Variants in GSG1L observed in about 807,000 individuals in gnomAD.
GSG1L encodes the protein GSG1 like, also known as germ cell-specific gene 1-like protein.
A neutral mutation model predicts 42.1 loss-of-function variants in GSG1L; 24 were observed. The ratio of observed to expected loss-of-function variants is 0.57; its 90% CI spans 0.41 to 0.80. The LOEUF (loss-of-function observed/expected upper bound fraction) is 0.80. Among genes scored for constraint, GSG1L ranks in the 30% least tolerant of loss-of-function variants. The probability of loss-of-function intolerance (pLI) is 0.00; values close to 1 mark genes in which losing one functional copy is unlikely to be tolerated. For missense variants in GSG1L, 445 were observed against 472.2 expected, an observed-to-expected ratio of 0.94 and a Z score of 0.53; for synonymous variants, 215 against 203.5, an observed-to-expected ratio of 1.06 and a Z score of -0.48.
At chr16:27,910,828 G>A (rs1404438897) in intron 2 of GSG1L, among the ~76,000 whole-genome samples, 1 of 152,120 alleles carries the variant, frequency 6.6e-6, no homozygotes, top group Non-Finnish European at 1.5e-5. Flanking sequence ...AGCCTGGGCA[G>A]CATAGTGAAA....
At chr16:27,955,567 T>C (rs2084993275) in intron 2 of GSG1L, among the ~76,000 whole-genome samples, 2 of 152,194 alleles carry the variant, frequency 1.3e-5, no homozygotes, top group South Asian at 4.1e-4. Flanking sequence ...CCAAATTTTG[T>C]GGGAAAATTA....
intron 1 of GSG1L, among the ~76,000 whole-genome samples, chr16:28,001,653 T>C (rs1055216072): frequency 6.6e-6 from 1 of 152,188 alleles, no homozygotes; most frequent in African/African-American, 2.4e-5. Flanking sequence ...TCTTGGGGGA[T>C]GTGAATCATA....
intron 1 of GSG1L, among the ~76,000 whole-genome samples, chr16:28,030,132 T>A (rs2085941815): frequency 6.6e-6 from 1 of 152,192 alleles, no homozygotes; most frequent in African/African-American, 2.4e-5. Context: ...GTTCTGTGGT[T>A]CTGCCTGCCA....
intron 3 of GSG1L, among the ~76,000 whole-genome samples, chr16:27,849,470 C>G (rs1338772170): frequency 2.0e-5 from 3 of 152,118 alleles, no homozygotes; most frequent in Non-Finnish European, 4.4e-5. Flanking sequence ...GTTGCAAGGG[C>G]CCAGGGTAAG....
intron 1 of GSG1L, among the ~76,000 whole-genome samples, chr16:28,049,439 G>A (rs1324601141): frequency 6.6e-6 from 1 of 151,972 alleles, no homozygotes; most frequent in African/African-American, 2.4e-5. Context: ...CCAACACTTT[G>A]GGAGGCCAAG....
chr16:27,865,827 A>G (rs1375586399), intron 3 of GSG1L, among the ~76,000 whole-genome samples: 1 of 151,526 alleles, frequency 6.6e-6, no homozygotes, highest in Non-Finnish European at 1.5e-5. Flanking sequence ...CCTCCTGAGC[A>G]GCTATGACCA....
chr16:27,989,662 C>T (rs936124313), intron 1 of GSG1L, among the ~76,000 whole-genome samples: 3 of 151,916 alleles, frequency 2.0e-5, no homozygotes, highest in Non-Finnish European at 2.9e-5. Flanking sequence ...ATCACTTGAA[C>T]CCAGGATGCA....
Position 28,063,280 on chromosome 16 carries a change from G to A in GSG1L, c.145C>T (p.Arg49Cys). 7.3e-7 allele frequency: 1 copy of A among 1,371,586 alleles called. No individual in the cohort carries two copies. The highest frequency in any genetic ancestry group is 9.5e-7 in the Non-Finnish European group (1 of 1,053,388). The allele number at this position is 1,371,586 out of a possible 1,614,324, so 85.0% of individuals were successfully genotyped here. The change falls in exon 1 of 7, where the codon CGC becomes TGC. Residue 49 changes from arginine (R) to cysteine (C), a missense_variant. Around this residue, in one of 3 missense-constraint regions of GSG1L, gnomAD observed 156 missense variants for 128.3 expected, o/e 1.22. Coordinates refer to ENST00000447459, the MANE Select transcript of GSG1L (RefSeq NM_001109763.2). The surrounding 1 kb of genome is among the most constrained non-coding windows in gnomAD (Gnocchi z 5.8). ...GCGCCCGAGTTGGGGCAGTTGGCGC[G>A]CCCGCCCTGGCCGCAGCCCGGCTTG... is the stretch of plus-strand genomic sequence containing the variant. ...VPKPGCGQGG[R>C]ANCPNSGANA...
chr16:27,912,425 G>A (rs565192532), intron 2 of GSG1L, among the ~76,000 whole-genome samples: 48 of 152,266 alleles, frequency 3.2e-4, no homozygotes, highest in Admixed American at 1.2e-3. Context: ...GATGAGGTGG[G>A]AGGATCACTT....
chr16:28,059,040 G>C lies in GSG1L; in HGVS notation c.349+4036C>G, dbSNP rs954477085. ...GCTGCAGAAGTCCATGGGAGACACG[G>C]GTGGCTGTGGGTGGCTCAGCCCAGG... On this transcript the variant is annotated intron_variant, in intron 1 of 6. Coordinates refer to ENST00000447459, the MANE Select transcript of GSG1L (RefSeq NM_001109763.2). The surrounding 1 kb of genome is among the most constrained non-coding windows in gnomAD (Gnocchi z 4.4). Among the ~76,000 whole-genome samples the C allele has an allele frequency of 6.6e-6, 1 of 152,194 alleles. No homozygotes were observed. The highest frequency in any genetic ancestry group is 2.4e-5 in the African/African-American group (1 of 41,442).
chr16:27,791,384 C>T lies in GSG1L; in HGVS notation c.982G>A (p.Gly328Arg). 1 of 1,476,014 alleles carries T rather than the reference C, an allele frequency of 6.8e-7. No homozygotes were observed. The highest frequency in any genetic ancestry group is 9.0e-7 in the Non-Finnish European group (1 of 1,106,036). 91.4% of individuals were successfully genotyped at this position (1,476,014 alleles called of 1,614,324 possible). A position where few individuals can be genotyped will look rare whatever the true frequency, so the allele number is the denominator to read the frequency against. The change falls in exon 7 of 7, where the codon GGG becomes AGG. Residue 328 changes from glycine (G) to arginine (R), a missense_variant. By Grantham distance (125) the Gly-to-Arg change is moderately radical. Transcript: ENST00000447459. ...PELNRQCWVL[G>R]HWV ...TGAGGTCTTGGTCACACCCAGTGCC[C>T]CAAGACCCAGCACTGTCGGTTCAGC...
chr16:27,963,255 C>T lies in GSG1L; in HGVS notation c.350-52G>A, dbSNP rs1460545455. ...GAATGTGAGAGGACACGTGGGCTTC[C>T]GAGGTTTGCCTGCTCCCATCCCATG... is the stretch of plus-strand genomic sequence containing the variant. On this transcript the variant is annotated intron_variant, in intron 1 of 6. Coordinates refer to ENST00000447459, the MANE Select transcript of GSG1L (RefSeq NM_001109763.2). The T allele has an allele frequency of 8.6e-6, 13 of 1,507,378 alleles. No homozygotes were observed. The East Asian group carries it at 9.0e-5, about 10-fold the overall frequency. 93.4% of individuals were successfully genotyped at this position (1,507,378 alleles called of 1,614,324 possible).
At chr16:27,802,218 G>A (rs778701180) in intron 6 of GSG1L, among the ~76,000 whole-genome samples, 7 of 152,124 alleles carry the variant, frequency 4.6e-5, no homozygotes, top group Admixed American at 2.6e-4. Flanking sequence ...GTCCAGCAAC[G>A]TGCCTTATTC....
At chr16:28,052,597 G>A (rs2086232514) in intron 1 of GSG1L, among the ~76,000 whole-genome samples, 1 of 152,192 alleles carries the variant, frequency 6.6e-6, no homozygotes, top group Non-Finnish European at 1.5e-5. Flanking sequence ...TGGAAAATCA[G>A]AGATGGAGCA....
intron 1 of GSG1L, among the ~76,000 whole-genome samples, chr16:28,051,773 A>G (rs1173457768): frequency 6.6e-6 from 1 of 152,186 alleles, no homozygotes; most frequent in Non-Finnish European, 1.5e-5. Flanking sequence ...TGGGGCAGAG[A>G]GTAACGGGGC....
At chr16:27,949,373 T>A (rs889800218) in intron 2 of GSG1L, among the ~76,000 whole-genome samples, 6 of 152,208 alleles carry the variant, frequency 3.9e-5, no homozygotes, top group African/African-American at 1.4e-4. Flanking sequence ...AGCAGTGGTA[T>A]GGGAGGCGGG....
At chr16:27,859,935 G>A (rs71389813) in intron 3 of GSG1L, among the ~76,000 whole-genome samples, 198 of 152,046 alleles carry the variant, frequency 1.3e-3, no homozygotes, top group Non-Finnish European at 2.1e-3. Flanking sequence ...TCCCGCCTCT[G>A]CCTCCCAAAG....
chr16:27,823,940 A>G (rs1383493347), intron 5 of GSG1L: 1 of 702,852 alleles, frequency 1.4e-6, no homozygotes, highest in Admixed American at 2.0e-5. Context: ...TGACAATAAC[A>G]CTTACACATA....
At chr16:27,890,182 C>A (rs1186055498) in intron 2 of GSG1L, among the ~76,000 whole-genome samples, 1 of 152,158 alleles carries the variant, frequency 6.6e-6, no homozygotes, top group Non-Finnish European at 1.5e-5. Flanking sequence ...TCTCTGGAGT[C>A]CCAAGCAATT....
Sources: gnomAD v4.1 joint callset for allele counts (sites outside exome capture counted in the v4.1 genomes callset) on GRCh38, gnomAD v4.1.1 for gene constraint, gnomAD v4.1.1 regional missense constraint, Gnocchi (gnomAD v3.1) non-coding constraint, MANE v1.5 for transcripts, NCBI Gene and HGNC (gene_info 2026-07-23, HGNC 2026-07-21) for gene names.